ARHGAP26: variants seen among roughly 807,000 people sequenced by gnomAD.
The protein encoded by ARHGAP26 is rho GTPase-activating protein 26.
A neutral mutation model predicts 104.8 loss-of-function variants in ARHGAP26; 38 were observed. That is an observed-to-expected ratio of 0.36 (90% CI 0.28 to 0.48). The LOEUF is 0.48. ARHGAP26 is among the 20% of genes least tolerant of loss of function. The pLI is 0.99. For missense variants in ARHGAP26, 704 were observed against 947.9 expected (o/e 0.74, Z 3.38); for synonymous variants, 341 against 340.0 (o/e 1.00, Z -0.03).
intron 12 of ARHGAP26, among the ~76,000 whole-genome samples, chr5:143,033,834 CAAAAGAAGAACT>C (rs1562298448): frequency 6.6e-6 from 1 of 152,138 alleles, no homozygotes; most frequent in Non-Finnish European, 1.5e-5. Flanking sequence ...AAGCACCTCT[CAAAAGAAGAACT>C]AAAAGGCTTC....
At position 143,214,020 on chromosome 5, in the gene ARHGAP26, C is replaced by A; in HGVS notation, c.2123C>A (p.Ala708Asp). Reference protein sequence around the residue: ...PVSTPFRKAKALYACKAEHDS... With the variant: ...PVSTPFRKAKDLYACKAEHDS... ...AGCACACCGTTCCGGAAGGCAAAAG[C>A]CTTGTATGCCTGCAAAGCTGAACAT... Residue 708 changes from alanine to aspartate, a missense_variant, in exon 22 of 23, where the codon GCC (alanine) becomes GAC (aspartate). Physicochemically the swap from Ala to Asp is moderately radical, Grantham distance 126 (BLOSUM62 -2). Transcript: ENST00000645722. 1 of 1,594,140 alleles carries A rather than the reference C, an allele frequency of 6.3e-7. No individual in the cohort carries two copies. The highest frequency in any genetic ancestry group is 8.6e-7 in the Non-Finnish European group (1 of 1,166,530).
chr5:142,918,583 C>G (rs1032600896), intron 10 of ARHGAP26, among the ~76,000 whole-genome samples: 4 of 152,282 alleles, frequency 2.6e-5, no homozygotes, highest in Admixed American at 6.5e-5. Context: ...GTATTGGCTT[C>G]TACATGATTT....
At chr5:142,932,569 G>C (rs1377014758) in intron 11 of ARHGAP26, among the ~76,000 whole-genome samples, 2 of 152,222 alleles carry the variant, frequency 1.3e-5, no homozygotes, top group African/African-American at 4.8e-5. Flanking sequence ...AAATCCATAA[G>C]AGCCCTGGAA....
At chr5:142,904,627 GT>G (rs1305610970) in intron 8 of ARHGAP26, among the ~76,000 whole-genome samples, 1 of 152,196 alleles carries the variant, frequency 6.6e-6, no homozygotes, top group Non-Finnish European at 1.5e-5. Flanking sequence ...TGACTCACAA[GT>G]TCATGCCTTA....
intron 20 of ARHGAP26, among the ~76,000 whole-genome samples, chr5:143,168,192 C>T (rs1182282475): frequency 4.6e-5 from 7 of 152,196 alleles, no homozygotes; most frequent in Admixed American, 2.0e-4. Context: ...TCATAGTTAA[C>T]TTTGAACATA....
chr5:142,867,437 A>T (rs1754513725), intron 1 of ARHGAP26, among the ~76,000 whole-genome samples: 1 of 152,024 alleles, frequency 6.6e-6, no homozygotes, highest in Non-Finnish European at 1.5e-5. Context: ...CTAGGTTTAA[A>T]CTGCTACATA....
chr5:143,197,216 C>A (rs1459904806), intron 20 of ARHGAP26, among the ~76,000 whole-genome samples: 1 of 152,214 alleles, frequency 6.6e-6, no homozygotes, highest in African/African-American at 2.4e-5. Context: ...ACACACCTTT[C>A]TCTGGGGTGT....
intron 11 of ARHGAP26, among the ~76,000 whole-genome samples, chr5:142,970,900 T>C (rs1382411552): frequency 6.6e-6 from 1 of 152,232 alleles, no homozygotes; most frequent in African/African-American, 2.4e-5. Flanking sequence ...AATGAGTCAA[T>C]GAATCAAAGA....
chr5:143,063,598 C>T (rs937024031), intron 17 of ARHGAP26, among the ~76,000 whole-genome samples: 1 of 152,206 alleles, frequency 6.6e-6, no homozygotes, highest in Non-Finnish European at 1.5e-5. Context: ...ACACAATAGA[C>T]GCTCATGAAT....
At chr5:143,002,709 T>C (rs527633567) in intron 11 of ARHGAP26, among the ~76,000 whole-genome samples, 7 of 152,370 alleles carry the variant, frequency 4.6e-5, no homozygotes, top group Admixed American at 4.6e-4. Context: ...AACACTTTTC[T>C]GACTTGTACA....
At chr5:143,076,162 T>TG (rs1788983360) in intron 17 of ARHGAP26, among the ~76,000 whole-genome samples, 1 of 131,186 alleles carries the variant, frequency 7.6e-6, no homozygotes, top group Non-Finnish European at 1.5e-5. Context: ...CTGGCTAATT[T>TG]TTTTTTTTTT....
chr5:143,011,433 G>A (rs1778736514), intron 11 of ARHGAP26, among the ~76,000 whole-genome samples: 2 of 150,538 alleles, frequency 1.3e-5, no homozygotes, highest in Admixed American at 6.7e-5. Context: ...GATTACAGAT[G>A]TCTAGTTCAT....
At chr5:142,780,875 C>T (rs891171740) in intron 1 of ARHGAP26, among the ~76,000 whole-genome samples, 4 of 152,122 alleles carry the variant, frequency 2.6e-5, no homozygotes, top group African/African-American at 9.7e-5. Flanking sequence ...GTGAGGGAGT[C>T]GGGAGTTTTG....
intron 1 of ARHGAP26, among the ~76,000 whole-genome samples, chr5:142,793,703 T>G (rs986279519): frequency 1.3e-5 from 2 of 152,162 alleles, no homozygotes; most frequent in African/African-American, 4.8e-5. Flanking sequence ...TTCTTGTGCC[T>G]CAGCTTCTCG....
intron 18 of ARHGAP26, among the ~76,000 whole-genome samples, chr5:143,123,565 A>G (rs1374128065): frequency 6.6e-6 from 1 of 152,186 alleles, no homozygotes; most frequent in African/African-American, 2.4e-5. Context: ...AAAATCCACA[A>G]TGTTGGCCAG....
At chr5:142,826,207 C>T (rs893514210) in intron 1 of ARHGAP26, among the ~76,000 whole-genome samples, 2 of 152,162 alleles carry the variant, frequency 1.3e-5, no homozygotes, top group Admixed American at 6.5e-5. Flanking sequence ...ACTGATGCTT[C>T]GTCTGTCCAT....
intron 17 of ARHGAP26, among the ~76,000 whole-genome samples, chr5:143,085,922 A>T (rs1042704672): frequency 2.6e-5 from 4 of 152,198 alleles, no homozygotes; most frequent in Admixed American, 2.0e-4. Context: ...AGTTTTAGCT[A>T]CATTTTCCCT....
chr5:142,928,268 A>G (rs1764216708), intron 10 of ARHGAP26, among the ~76,000 whole-genome samples: 1 of 137,060 alleles, frequency 7.3e-6, no homozygotes, highest in Non-Finnish European at 1.5e-5. Flanking sequence ...TGCCTTTTCC[A>G]TCTCTTGAGT....
rs190984863 is a variant in ARHGAP26, at chr5:142,989,941, C to T, written c.1108-24139C>T. Among the ~76,000 whole-genome samples the T allele has an allele frequency of 2.0e-5, 3 of 152,154 alleles. No homozygotes were observed. The East Asian group carries it at 5.8e-4, about 29-fold the overall frequency. On this transcript the variant is annotated intron_variant, in intron 11 of 22. Coordinates refer to ENST00000645722, the MANE Select transcript of ARHGAP26 (RefSeq NM_001135608.3). ...CTGACAATTATGTGTCTTGGAGTCG[C>T]TTTTCTCGAGCAGTATCTTTGTGGC...
Sources: gnomAD v4.1 joint callset for allele counts (sites outside exome capture counted in the v4.1 genomes callset) on GRCh38, gnomAD v4.1.1 for gene constraint, MANE v1.5 for transcripts, NCBI Gene and HGNC (gene_info 2026-07-23, HGNC 2026-07-21) for gene names.